SND1: variants seen among roughly 807,000 people sequenced by gnomAD.
SND1 encodes staphylococcal nuclease domain-containing protein 1.
A neutral mutation model predicts 121.7 loss-of-function variants in SND1; 38 were observed. That is an observed-to-expected ratio of 0.31 (90% CI 0.24 to 0.41). The LOEUF is 0.41. SND1 is among the 10% of genes least tolerant of loss of function. The pLI, the probability that SND1 is intolerant of heterozygous loss-of-function variation, is 1.00. For missense variants in SND1, 868 were observed against 1,184.6 expected (o/e 0.73, Z 3.92); for synonymous variants, 401 against 447.4 (o/e 0.90, Z 1.31).
chr7:128,024,968 G>A (rs1293313819), intron 16 of SND1, among the ~76,000 whole-genome samples: 3 of 152,276 alleles, frequency 2.0e-5, no homozygotes, highest in Middle Eastern at 3.4e-3. Context: ...GCTGGGAGGA[G>A]GCCAAGCCAC....
chr7:127,910,592 T>A (rs1159456320), intron 14 of SND1, among the ~76,000 whole-genome samples: 1 of 152,148 alleles, frequency 6.6e-6, no homozygotes, highest in Non-Finnish European at 1.5e-5. Flanking sequence ...CCCACCTAGT[T>A]TAGATTTATT....
At chr7:127,823,538 G>A (rs1368096323) in intron 11 of SND1, among the ~76,000 whole-genome samples, 1 of 152,102 alleles carries the variant, frequency 6.6e-6, no homozygotes, top group Non-Finnish European at 1.5e-5. Context: ...CACCCTACCA[G>A]CAGGTTTTTT....
intron 10 of SND1, among the ~76,000 whole-genome samples, chr7:127,739,626 G>A (rs1305252140): frequency 6.6e-6 from 1 of 152,116 alleles, no homozygotes; most frequent in Admixed American, 6.6e-5. Flanking sequence ...CTCATTTTAG[G>A]GCATATGGTG....
chr7:127,704,730 A>G, intron 7 of SND1, 109 bp from the exon 8 acceptor site: 1 of 893,730 alleles, frequency 1.1e-6, no homozygotes, highest in Non-Finnish European at 1.8e-6. Context: ...AAACAAACAA[A>G]CTGCAGACTA....
intron 15 of SND1, among the ~76,000 whole-genome samples, chr7:127,930,860 T>A (rs1413921470): frequency 6.6e-6 from 1 of 152,184 alleles, no homozygotes. Flanking sequence ...GCATTTTTTT[T>A]ATAGATAGGA....
chr7:127,772,102 G>C (rs2116499548), intron 10 of SND1, among the ~76,000 whole-genome samples: 1 of 152,306 alleles, frequency 6.6e-6, no homozygotes, highest in South Asian at 2.1e-4. Flanking sequence ...AGGGGCATTA[G>C]AGGTGGGGAG....
chr7:128,026,331 G>A (rs1803477347), intron 16 of SND1, among the ~76,000 whole-genome samples: 1 of 152,160 alleles, frequency 6.6e-6, no homozygotes, highest in Admixed American at 6.5e-5. Flanking sequence ...ATACATATGT[G>A]CTGGCACACT....
At chr7:127,911,339 CTTTCT>C (rs1800449782) in intron 14 of SND1, among the ~76,000 whole-genome samples, 1 of 152,136 alleles carries the variant, frequency 6.6e-6, no homozygotes, top group Non-Finnish European at 1.5e-5. Flanking sequence ...AACTCTTTCT[CTTTCT>C]TTTCTTTTCT....
At chr7:127,853,572 A>G (rs935747421) in intron 12 of SND1, among the ~76,000 whole-genome samples, 4 of 152,122 alleles carry the variant, frequency 2.6e-5, no homozygotes, top group African/African-American at 9.7e-5. Flanking sequence ...CACCTCCTCT[A>G]GAAGAGGAGA....
chr7:127,922,384 C>T (rs889337707), intron 14 of SND1, among the ~76,000 whole-genome samples: 4 of 151,702 alleles, frequency 2.6e-5, no homozygotes, highest in East Asian at 1.9e-4. Flanking sequence ...TAGTGAACTG[C>T]GGTGATTGTC....
At chr7:127,652,545 G>A (rs1406733836) in intron 1 of SND1, 94 bp downstream of exon 1, 2 of 1,061,558 alleles carry the variant, frequency 1.9e-6, no homozygotes, top group Non-Finnish European at 2.7e-6. Flanking sequence ...CCATGTCCCA[G>A]ATCCCCTTTC....
intron 16 of SND1, among the ~76,000 whole-genome samples, chr7:128,060,039 G>A (rs908652111): frequency 1.3e-5 from 2 of 152,218 alleles, no homozygotes; most frequent in Admixed American, 1.3e-4. Context: ...GTTAGGAAGA[G>A]TGGATCAGGG....
intron 10 of SND1, among the ~76,000 whole-genome samples, chr7:127,746,808 C>T (rs538540989): frequency 6.6e-6 from 1 of 152,040 alleles, no homozygotes; most frequent in Admixed American, 6.6e-5. Flanking sequence ...GTCTCTGGTC[C>T]CCTTCAGTCC....
At chr7:128,006,024 G>T (rs578184048) in intron 16 of SND1, among the ~76,000 whole-genome samples, 2 of 152,318 alleles carry the variant, frequency 1.3e-5, no homozygotes, top group African/African-American at 4.8e-5. Flanking sequence ...AGGTGCAAAG[G>T]TTTGTCATTC....
intron 8 of SND1, among the ~76,000 whole-genome samples, chr7:127,707,302 G>A (rs946682221): frequency 6.6e-6 from 1 of 152,206 alleles, no homozygotes; most frequent in Non-Finnish European, 1.5e-5. Context: ...AGTTAATAAT[G>A]AAGGTGGACT....
intron 12 of SND1, among the ~76,000 whole-genome samples, chr7:127,875,530 T>G (rs533410201): frequency 2.0e-5 from 3 of 152,216 alleles, no homozygotes; most frequent in Non-Finnish European, 4.4e-5. Flanking sequence ...CCTTTAATAG[T>G]CTGTTGCCCT....
intron 13 of SND1, among the ~76,000 whole-genome samples, chr7:127,902,804 C>G (rs1013230408): frequency 6.6e-6 from 1 of 152,124 alleles, no homozygotes; most frequent in Non-Finnish European, 1.5e-5. Context: ...GCAACCTCCA[C>G]CTCCTGAGTT....
At chr7:127,967,919 C>T (rs911765623) in intron 15 of SND1, among the ~76,000 whole-genome samples, 1 of 152,186 alleles carries the variant, frequency 6.6e-6, no homozygotes, top group African/African-American at 2.4e-5. Context: ...TATAATAACA[C>T]GTACTTCTCA....
chr7:128,032,248 C>T (rs1481310047), intron 16 of SND1: 1 of 149,736 alleles, frequency 6.7e-6, no homozygotes, highest in Non-Finnish European at 1.5e-5. Flanking sequence ...CCGCGCAGCC[C>T]CGCGCCTCCG....
Sources: allele counts gnomAD v4.1 joint callset (sites outside exome capture counted in the v4.1 genomes callset), GRCh38; gene constraint gnomAD v4.1.1; transcripts MANE v1.5; gene names NCBI Gene and HGNC (gene_info 2026-07-23, HGNC 2026-07-21).